FHIT: variants seen among roughly 807,000 people sequenced by gnomAD.
FHIT encodes fragile histidine triad diadenosine triphosphatase, also known as bis(5'-adenosyl)-triphosphatase.
A neutral mutation model predicts 17.9 loss-of-function variants in FHIT; 19 were observed. The observed-to-expected ratio is 1.06, with a 90% CI of 0.74 to 1.56. FHIT has a LOEUF of 1.56. Ranked by LOEUF, FHIT falls within the 40% of genes most tolerant of loss-of-function variation. FHIT has a pLI of 0.00. For synonymous variants in FHIT, 81 were observed against 69.7 expected, an observed-to-expected ratio of 1.16 and a Z score of -0.81; for missense variants, 248 against 189.2, an observed-to-expected ratio of 1.31 and a Z score of -1.82.
At chr3:59,884,154 A>G (rs539888495) in intron 8 of FHIT, among the ~76,000 whole-genome samples, 56 of 152,346 alleles carry the variant, frequency 3.7e-4, no homozygotes, top group African/African-American at 1.3e-3. Flanking sequence ...AATCACAATC[A>G]TAAGTTGACT....
At chr3:60,247,358 C>T (rs556553820) in intron 5 of FHIT, among the ~76,000 whole-genome samples, 7 of 148,446 alleles carry the variant, frequency 4.7e-5, no homozygotes, top group East Asian at 2.0e-4. Context: ...GACCTTGCAT[C>T]AGAAAGAAGA....
At chr3:60,799,886 G>A (rs1401650709) in intron 4 of FHIT, among the ~76,000 whole-genome samples, 29 of 152,150 alleles carry the variant, frequency 1.9e-4, no homozygotes, top group Admixed American at 1.8e-3. Flanking sequence ...CTCTTTGAGA[G>A]CCAGGATAAT....
intron 3 of FHIT, among the ~76,000 whole-genome samples, chr3:60,903,975 C>A (rs1427699261): frequency 3.3e-5 from 5 of 152,174 alleles, no homozygotes; most frequent in African/African-American, 1.2e-4. Context: ...AAAAGCTGAG[C>A]CTTCCCTCCC....
intron 3 of FHIT, among the ~76,000 whole-genome samples, chr3:60,860,434 A>ATACCTGATATATATGATACATATG (rs1703664190): frequency 2.9e-5 from 4 of 136,640 alleles, no homozygotes; most frequent in Non-Finnish European, 4.8e-5. Flanking sequence ...TGATACATAT[A>ATACCTGATATATATGATACATATG]TATCATGTAT....
chr3:60,603,994 G>A (rs1321886808), intron 4 of FHIT, among the ~76,000 whole-genome samples: 1 of 152,156 alleles, frequency 6.6e-6, no homozygotes, highest in Non-Finnish European at 1.5e-5. Context: ...AAGAGACTAA[G>A]AACAGCTCAG....
intron 5 of FHIT, among the ~76,000 whole-genome samples, chr3:60,082,685 G>A (rs1703340308): frequency 6.6e-6 from 1 of 152,166 alleles, no homozygotes; most frequent in South Asian, 2.1e-4. Flanking sequence ...GTGTGAAATG[G>A]TCTCTCACCG....
chr3:61,160,573 A>C (rs1322663182), intron 2 of FHIT, among the ~76,000 whole-genome samples: 2 of 152,220 alleles, frequency 1.3e-5, no homozygotes, highest in Admixed American at 6.5e-5. Flanking sequence ...GGAAGAGATA[A>C]GTATATTTTA....
intron 5 of FHIT, among the ~76,000 whole-genome samples, chr3:60,201,994 ATGTCT>A (rs1702933917): frequency 1.3e-5 from 2 of 152,174 alleles, no homozygotes; most frequent in African/African-American, 4.8e-5. Context: ...TTGCCCACAT[ATGTCT>A]TCTTAGGATA....
intron 4 of FHIT, among the ~76,000 whole-genome samples, chr3:60,789,694 A>G (rs576632212): frequency 6.6e-6 from 1 of 152,346 alleles, no homozygotes; most frequent in Non-Finnish European, 1.5e-5. Context: ...CCCTTGAATA[A>G]CAGACATTTC....
At chr3:60,938,166 G>A (rs1416099846) in intron 3 of FHIT, among the ~76,000 whole-genome samples, 1 of 152,198 alleles carries the variant, frequency 6.6e-6, no homozygotes, top group Non-Finnish European at 1.5e-5. Flanking sequence ...AAAAGCAGAG[G>A]AAGCAAGGGC....
intron 5 of FHIT, among the ~76,000 whole-genome samples, chr3:60,142,814 T>C (rs1205266496): frequency 6.6e-6 from 1 of 151,976 alleles, no homozygotes; most frequent in African/African-American, 2.4e-5. Context: ...TCAGCCACTG[T>C]GCCCAGCATG....
chr3:61,204,120 T>C (rs934119841), intron 1 of FHIT, among the ~76,000 whole-genome samples: 1 of 152,230 alleles, frequency 6.6e-6, no homozygotes, highest in Non-Finnish European at 1.5e-5. Context: ...ATTCTATTTG[T>C]ATAACATTCA....
intron 4 of FHIT, among the ~76,000 whole-genome samples, chr3:60,711,022 CCCCAG>C (rs1482788520): frequency 6.6e-6 from 1 of 152,164 alleles, no homozygotes; most frequent in African/African-American, 2.4e-5. Context: ...GGGAGGCACC[CCCCAG>C]TAGGGGCAGA....
intron 8 of FHIT, among the ~76,000 whole-genome samples, chr3:59,856,747 A>G (rs1442532926): frequency 2.6e-5 from 4 of 151,992 alleles, no homozygotes; most frequent in Non-Finnish European, 4.4e-5. Context: ...TATAATATCT[A>G]TCTAATTCTG....
intron 2 of FHIT, among the ~76,000 whole-genome samples, chr3:61,101,361 A>G (rs757778486): frequency 2.0e-5 from 3 of 152,184 alleles, no homozygotes; most frequent in Non-Finnish European, 4.4e-5. Flanking sequence ...GTCAAAGATC[A>G]GATGGTTGTA....
intron 3 of FHIT, among the ~76,000 whole-genome samples, chr3:60,982,472 A>C (rs1262717926): frequency 6.6e-6 from 1 of 152,266 alleles, no homozygotes; most frequent in Non-Finnish European, 1.5e-5. Flanking sequence ...ATTGCCAGTC[A>C]ATAGTAAATG....
chr3:60,283,450 A>T (rs146341356), intron 5 of FHIT, among the ~76,000 whole-genome samples: 1 of 152,258 alleles, frequency 6.6e-6, no homozygotes, highest in East Asian at 1.9e-4. Flanking sequence ...TAAAATATGT[A>T]ATTCAATGCT....
At chr3:60,844,263 G>T (rs1202535000) in intron 3 of FHIT, among the ~76,000 whole-genome samples, 1 of 152,066 alleles carries the variant, frequency 6.6e-6, no homozygotes, top group African/African-American at 2.4e-5. Context: ...AAAAGCAGAA[G>T]TAGTAAGTTC....
intron 2 of FHIT, among the ~76,000 whole-genome samples, chr3:61,190,104 C>T (rs199743650): frequency 0.19 from 28,732 of 149,312 alleles, 784 homozygotes; most frequent in East Asian, 0.54. Flanking sequence ...TAAACTAAAG[C>T]ACTTCTGCAC....
Sources: allele counts gnomAD v4.1 joint callset (sites outside exome capture counted in the v4.1 genomes callset), GRCh38; gene constraint gnomAD v4.1.1; transcripts MANE v1.5; gene names NCBI Gene and HGNC (gene_info 2026-07-23, HGNC 2026-07-21).